CNTNAP2: variants seen among roughly 807,000 people sequenced by gnomAD.
The protein encoded by CNTNAP2 is contactin associated protein 2.
In CNTNAP2, 98 loss-of-function variants were observed where a neutral mutation model predicts 155.2. The observed-to-expected ratio is 0.63, with a 90% confidence interval of 0.54 to 0.75. The LOEUF is 0.75. Among genes scored for constraint, CNTNAP2 ranks in the 30% least tolerant of loss-of-function variants. CNTNAP2 has a pLI of 0.00. For synonymous variants in CNTNAP2, 651 were observed against 631.2 expected, an observed-to-expected ratio of 1.03 and a Z score of -0.47; for missense variants, 1,727 against 1,688.1, an observed-to-expected ratio of 1.02 and a Z score of -0.40.
At chr7:147,143,804 T>C (rs1801647211) in intron 8 of CNTNAP2, among the ~76,000 whole-genome samples, 1 of 152,194 alleles carries the variant, frequency 6.6e-6, no homozygotes, top group African/African-American at 2.4e-5. Context: ...CCTAGAGATG[T>C]ACTGGGTAAA....
intron 8 of CNTNAP2, among the ~76,000 whole-genome samples, chr7:147,225,930 G>A (rs1301059269): frequency 8.0e-6 from 1 of 124,660 alleles, no homozygotes; most frequent in Admixed American, 8.0e-5. Flanking sequence ...AAAGAAGGAA[G>A]GAAAGAAGGA....
intron 1 of CNTNAP2, among the ~76,000 whole-genome samples, chr7:146,119,080 A>G (rs1797526539): frequency 1.3e-5 from 2 of 149,102 alleles, no homozygotes; most frequent in Non-Finnish European, 3.0e-5. Flanking sequence ...GCTCTGAAGA[A>G]AAGTATGATA....
intron 1 of CNTNAP2, among the ~76,000 whole-genome samples, chr7:146,680,732 C>T (rs1800487413): frequency 6.6e-6 from 1 of 152,130 alleles, no homozygotes; most frequent in Non-Finnish European, 1.5e-5. Flanking sequence ...CTGCAGTGTG[C>T]AGATGATAAT....
At chr7:147,523,126 G>T (rs572648142) in intron 11 of CNTNAP2, among the ~76,000 whole-genome samples, 58 of 152,266 alleles carry the variant, frequency 3.8e-4, no homozygotes, top group African/African-American at 1.3e-3. Context: ...AGTGAGGGCC[G>T]CACTGATCAT....
At chr7:146,572,564 A>T (rs775164572) in intron 1 of CNTNAP2, among the ~76,000 whole-genome samples, 1 of 152,236 alleles carries the variant, frequency 6.6e-6, no homozygotes, top group Non-Finnish European at 1.5e-5. Context: ...TACTATGGAC[A>T]TCCCAATGTT....
intron 11 of CNTNAP2, among the ~76,000 whole-genome samples, chr7:147,502,741 G>GTGTATATA (rs1491222754): frequency 5.5e-4 from 55 of 99,952 alleles, no homozygotes; most frequent in Non-Finnish European, 9.3e-4. Context: ...GTGTGTGTGT[G>GTGTATATA]TATATATATA....
intron 21 of CNTNAP2, among the ~76,000 whole-genome samples, chr7:148,325,410 C>T (rs999911342): frequency 6.6e-5 from 10 of 152,204 alleles, no homozygotes; most frequent in African/African-American, 2.4e-4. Context: ...GTTTGTCTAA[C>T]TTAAGAACGT....
At chr7:147,688,544 C>T (rs753101897) in intron 13 of CNTNAP2, among the ~76,000 whole-genome samples, 36 of 152,106 alleles carry the variant, frequency 2.4e-4, no homozygotes, top group Admixed American at 7.2e-4. Flanking sequence ...TTTTTGTGTG[C>T]TTCTTAGATT....
At chr7:148,360,287 AAGG>A (rs1377855607) in intron 21 of CNTNAP2, among the ~76,000 whole-genome samples, 2 of 152,162 alleles carry the variant, frequency 1.3e-5, no homozygotes, top group African/African-American at 2.4e-5. Flanking sequence ...GGAGTGGAAG[AAGG>A]AGAAGAAGAA....
chr7:147,008,442 T>G (rs1317042253), intron 3 of CNTNAP2, among the ~76,000 whole-genome samples: 1 of 152,080 alleles, frequency 6.6e-6, no homozygotes, highest in Non-Finnish European at 1.5e-5. Context: ...CTTCAAGAAA[T>G]TATAATTTTA....
intron 3 of CNTNAP2, among the ~76,000 whole-genome samples, chr7:147,027,642 T>C (rs1030345741): frequency 6.6e-6 from 1 of 152,206 alleles, no homozygotes; most frequent in African/African-American, 2.4e-5. Context: ...ATTTCCCTTT[T>C]GGACAGTTTA....
chr7:146,159,633 A>G, intron 1 of CNTNAP2, among the ~76,000 whole-genome samples: 1 of 152,224 alleles, frequency 6.6e-6, no homozygotes, highest in East Asian at 1.9e-4. Context: ...AAAGATTGAA[A>G]GAGACAAAGA....
intron 1 of CNTNAP2, among the ~76,000 whole-genome samples, chr7:146,608,593 C>T (rs1246384415): frequency 6.6e-6 from 1 of 152,122 alleles, no homozygotes; most frequent in African/African-American, 2.4e-5. Flanking sequence ...TCATATTTCT[C>T]TCTTACAGAA....
At chr7:146,321,856 G>A (rs1801007049) in intron 1 of CNTNAP2, among the ~76,000 whole-genome samples, 2 of 152,118 alleles carry the variant, frequency 1.3e-5, no homozygotes, top group African/African-American at 4.8e-5. Context: ...ATGGAAAGCA[G>A]CCTCTGTATG....
chr7:147,616,859 A>C (rs1463584289), intron 12 of CNTNAP2, among the ~76,000 whole-genome samples: 1 of 152,192 alleles, frequency 6.6e-6, no homozygotes. Flanking sequence ...ATTATGAGCA[A>C]CTAGATATAT....
At chr7:146,527,367 A>G (rs1797705846) in intron 1 of CNTNAP2, among the ~76,000 whole-genome samples, 1 of 152,168 alleles carries the variant, frequency 6.6e-6, no homozygotes. Context: ...TTTTTATTCA[A>G]TACCTGTTTT....
At chr7:146,174,758 G>A (rs4427085) in intron 1 of CNTNAP2, among the ~76,000 whole-genome samples, 25,008 of 151,944 alleles carry the variant, frequency 0.16, 2,553 homozygotes, top group East Asian at 0.28. Flanking sequence ...AGGAAGAATC[G>A]CCTTAACCTG....
chr7:147,496,802 T>A (rs1275189297), intron 11 of CNTNAP2: 1 of 152,164 alleles, frequency 6.6e-6, no homozygotes, highest in Non-Finnish European at 1.5e-5. Flanking sequence ...TTTTTTATTT[T>A]TTTTTATAAA....
intron 2 of CNTNAP2, among the ~76,000 whole-genome samples, chr7:146,778,252 A>G (rs1802424582): frequency 6.6e-6 from 1 of 152,240 alleles, no homozygotes; most frequent in African/African-American, 2.4e-5. Flanking sequence ...TTATAAATAC[A>G]TAGGAAAGCA....
Sources: allele counts gnomAD v4.1 joint callset (sites outside exome capture counted in the v4.1 genomes callset), GRCh38; gene constraint gnomAD v4.1.1; transcripts MANE v1.5; gene names NCBI Gene and HGNC (gene_info 2026-07-23, HGNC 2026-07-21).